Variants in TENM2 observed in about 807,000 individuals in gnomAD.
TENM2 encodes teneurin-2.
A neutral mutation model predicts 245.2 loss-of-function variants in TENM2; 52 were observed. That is an observed-to-expected ratio of 0.21 (90% CI 0.17 to 0.27). TENM2 has a LOEUF of 0.27. Ranked by LOEUF, TENM2 falls within the 10% of genes least tolerant of loss-of-function variation. The pLI is 1.00. For missense variants in TENM2, 3,046 were observed against 3,666.8 expected (o/e 0.83, Z 4.37); for synonymous variants, 1,363 against 1,438.9 (o/e 0.95, Z 1.19).
the TENM2 span, among the ~76,000 whole-genome samples, chr5:167,117,142 T>A: frequency 2.6e-5 from 4 of 152,244 alleles, no homozygotes; most frequent in African/African-American, 9.6e-5. Context: ...AGACTCTCAA[T>A]AAATATCTGT....
chr5:167,405,183 C>T (rs1200242141), intron 2 of TENM2, among the ~76,000 whole-genome samples: 3 of 151,818 alleles, frequency 2.0e-5, no homozygotes, highest in South Asian at 4.1e-4. Context: ...TTTTTTCATT[C>T]ATCAGTTGAT....
chr5:167,592,650 C>T (rs1042365169), intron 2 of TENM2, among the ~76,000 whole-genome samples: 2 of 152,144 alleles, frequency 1.3e-5, no homozygotes, highest in South Asian at 2.1e-4. Flanking sequence ...TTCTTTTGCC[C>T]AACCCTGGTC....
chr5:167,076,428 T>C, the TENM2 span, among the ~76,000 whole-genome samples: 3 of 152,158 alleles, frequency 2.0e-5, no homozygotes, highest in African/African-American at 7.2e-5. Context: ...ACAAAGCACA[T>C]ATTTTTCAAT....
intron 2 of TENM2, among the ~76,000 whole-genome samples, chr5:167,461,798 C>T (rs1375389543): frequency 2.1e-4 from 32 of 152,098 alleles, no homozygotes; most frequent in Admixed American, 2.1e-3. Context: ...TTTCTGGTAA[C>T]ATGATTCTAA....
the TENM2 span, among the ~76,000 whole-genome samples, chr5:167,079,191 C>G: frequency 6.6e-6 from 1 of 151,902 alleles, no homozygotes; most frequent in African/African-American, 2.4e-5. Context: ...ATGGAATCCA[C>G]AAATACAATG....
intron 2 of TENM2, among the ~76,000 whole-genome samples, chr5:167,779,457 G>A (rs1278571947): frequency 2.0e-5 from 3 of 152,194 alleles, no homozygotes; most frequent in Non-Finnish European, 4.4e-5. Context: ...AGGATCCTCA[G>A]TCACCTTGAC....
At chr5:168,189,988 G>A (rs1760802525) in intron 13 of TENM2, among the ~76,000 whole-genome samples, 1 of 152,148 alleles carries the variant, frequency 6.6e-6, no homozygotes, top group Non-Finnish European at 1.5e-5. Flanking sequence ...TTGCTGTGCT[G>A]TGTTGTTTAA....
chr5:167,903,445 G>A (rs1415057448), intron 3 of TENM2, among the ~76,000 whole-genome samples: 3 of 127,618 alleles, frequency 2.4e-5, no homozygotes, highest in Non-Finnish European at 4.7e-5. Context: ...TAGAATGGAG[G>A]AAAAAAAGGC....
At chr5:167,191,569 A>G in the TENM2 span, among the ~76,000 whole-genome samples, 2 of 152,042 alleles carry the variant, frequency 1.3e-5, no homozygotes, top group Non-Finnish European at 2.9e-5. Flanking sequence ...CTTTCCTTAG[A>G]TGAAAGGCAT....
At position 167,992,925 on chromosome 5, in the gene TENM2, C is replaced by G. The variant is rs1442293263; in HGVS notation, c.948-19C>G. 1.2e-6 allele frequency: 2 copies of G among 1,605,330 alleles called. No homozygotes were observed. The highest frequency in any genetic ancestry group is 2.2e-5 in the South Asian group (2 of 90,860). On this transcript the variant is annotated intron_variant, in intron 4 of 28. Coordinates refer to ENST00000518659, the Ensembl canonical transcript of TENM2. ...TTGGCTACCCATGACCACTCTGACT[C>G]TTTCCCTTTTCCTGGCAGGCACTTC...
At chr5:168,144,056 G>A (rs913246843) in intron 12 of TENM2, among the ~76,000 whole-genome samples, 32 of 150,092 alleles carry the variant, frequency 2.1e-4, no homozygotes, top group Admixed American at 7.3e-4. Flanking sequence ...ACAGAGTTTC[G>A]CCATGTTGGT....
At chr5:167,515,651 ACATATATACG>A in intron 2 of TENM2, among the ~76,000 whole-genome samples, 1 of 125,790 alleles carries the variant, frequency 7.9e-6, no homozygotes, top group Admixed American at 7.8e-5. Context: ...ATATATATAC[ACATATATACG>A]TATATATGTG....
At chr5:167,690,710 T>C (rs778503030) in intron 2 of TENM2, among the ~76,000 whole-genome samples, 1 of 152,150 alleles carries the variant, frequency 6.6e-6, no homozygotes, top group Non-Finnish European at 1.5e-5. Flanking sequence ...CCACCTATAA[T>C]ATATTGCTTG....
At chr5:167,463,330 C>T (rs1582118557) in intron 2 of TENM2, among the ~76,000 whole-genome samples, 1 of 152,242 alleles carries the variant, frequency 6.6e-6, no homozygotes, top group East Asian at 1.9e-4. Flanking sequence ...GTTATTATTT[C>T]ATTCTGGACC....
At chr5:166,995,651 A>G in the TENM2 span, among the ~76,000 whole-genome samples, 1 of 151,626 alleles carries the variant, frequency 6.6e-6, no homozygotes. Context: ...CCCCATCTCT[A>G]CTAAAAATAC....
intron 2 of TENM2, among the ~76,000 whole-genome samples, chr5:167,709,160 T>G (rs1014558202): frequency 6.6e-6 from 1 of 152,200 alleles, no homozygotes; most frequent in Admixed American, 6.5e-5. Context: ...CCGCCCCATC[T>G]GCAGCTGCGT....
intron 2 of TENM2, among the ~76,000 whole-genome samples, chr5:167,423,352 A>G (rs1369054770): frequency 6.6e-6 from 1 of 152,144 alleles, no homozygotes; most frequent in African/African-American, 2.4e-5. Context: ...TCGATTAGTA[A>G]AGCCACCTTT....
At chr5:167,911,505 C>A (rs532779850) in intron 3 of TENM2, among the ~76,000 whole-genome samples, 1 of 152,216 alleles carries the variant, frequency 6.6e-6, no homozygotes, top group East Asian at 1.9e-4. Flanking sequence ...CCAGCCTGGG[C>A]GACAGAGCGA....
intron 2 of TENM2, among the ~76,000 whole-genome samples, chr5:167,545,479 G>C (rs1364456772): frequency 6.6e-6 from 1 of 152,126 alleles, no homozygotes; most frequent in Non-Finnish European, 1.5e-5. Flanking sequence ...GCAGAATCTT[G>C]CTAGATAAAC....
Sources: allele counts gnomAD v4.1 joint callset (sites outside exome capture counted in the v4.1 genomes callset), GRCh38; gene constraint gnomAD v4.1.1; transcripts MANE v1.5; gene names NCBI Gene and HGNC (gene_info 2026-07-23, HGNC 2026-07-21).